The following HSPA4 variants were observed in gnomAD, a reference collection of about 807,000 sequenced individuals.
The protein encoded by HSPA4 is heat shock 70 kDa protein 4.
In HSPA4, 25 loss-of-function variants were observed where a neutral mutation model predicts 106.2. The observed-to-expected ratio is 0.24, with a 90% confidence interval of 0.17 to 0.33. The LOEUF is 0.33. Ranked by LOEUF, HSPA4 falls within the 10% of genes least tolerant of loss-of-function variation. The pLI is 1.00. For synonymous variants in HSPA4, 332 were observed against 333.6 expected (o/e 1.00, Z 0.05); for missense variants, 841 against 996.0 (o/e 0.84, Z 2.10).
intron 2 of HSPA4, among the ~76,000 whole-genome samples, chr5:133,065,812 A>G (rs907523933): frequency 2.0e-5 from 3 of 152,220 alleles, no homozygotes; most frequent in Non-Finnish European, 4.4e-5. Flanking sequence ...CTGAATAACC[A>G]GAGCAGCAGA....
At chr5:133,089,448 C>A in intron 10 of HSPA4, 114 bp from the exon 11 acceptor site, 1 of 909,614 alleles carries the variant, frequency 1.1e-6, no homozygotes, top group Non-Finnish European at 1.6e-6. Flanking sequence ...GGAAATAATA[C>A]CAATTGAAAA....
At chr5:133,084,192 T>C (rs138916819) in intron 7 of HSPA4, among the ~76,000 whole-genome samples, 1 of 152,344 alleles carries the variant, frequency 6.6e-6, no homozygotes, top group Non-Finnish European at 1.5e-5. Context: ...TGGAATCATG[T>C]ATTATGTAGT....
intron 7 of HSPA4, among the ~76,000 whole-genome samples, chr5:133,084,649 T>C (rs1481971598): frequency 6.6e-6 from 1 of 152,050 alleles, no homozygotes; most frequent in Non-Finnish European, 1.5e-5. Context: ...TTTGTATTTT[T>C]GGTAGAGACG....
intron 16 of HSPA4, among the ~76,000 whole-genome samples, chr5:133,101,209 A>G (rs965505686): frequency 6.6e-6 from 1 of 152,116 alleles, no homozygotes; most frequent in Non-Finnish European, 1.5e-5. Context: ...CATAGATTTT[A>G]TTGATGTCGC....
chr5:133,088,379 A>G (rs1215429681), intron 8 of HSPA4, 25 bp from the exon 9 acceptor site: 1 of 1,500,974 alleles, frequency 6.7e-7, no homozygotes, highest in Non-Finnish European at 9.2e-7. Context: ...TCATTAAAAA[A>G]ATCTGTCTAA....
chr5:133,062,262 G>C (rs1765254502), intron 1 of HSPA4, among the ~76,000 whole-genome samples: 1 of 152,204 alleles, frequency 6.6e-6, no homozygotes. Context: ...TAACCCTTCA[G>C]CAGGATTTGC....
In HSPA4 at chr5:133,052,303, C is replaced by T; in HGVS notation, c.53C>T (p.Ala18Val). Residue 18 changes from alanine (A) to valine (V), a missense_variant, in exon 1 of 19, where the codon GCC becomes GTC. Ala to Val is a moderately conservative substitution (Grantham distance 64, BLOSUM62 0). Coordinates refer to ENST00000304858, the MANE Select transcript of HSPA4 (RefSeq NM_002154.4). ...LGFQSCYVAV[A>V]RAGGIETIAN... ...TTCCAGAGCTGCTACGTCGCTGTGG[C>T]CCGCGCCGGCGGCATCGAGACTATC... 1.3e-6 allele frequency: 2 copies of T among 1,592,890 alleles called. No homozygotes were observed. Among genetic ancestry groups the T allele is most frequent in the Non-Finnish European group, 8.5e-7 (1 of 1,172,306 alleles).
intron 7 of HSPA4, among the ~76,000 whole-genome samples, chr5:133,082,640 A>AT (rs895294921): frequency 1.3e-5 from 2 of 151,750 alleles, no homozygotes; most frequent in Non-Finnish European, 2.9e-5. Flanking sequence ...CAATTTTTGT[A>AT]TTTTTTGTAG....
rs563679407 is a variant in HSPA4, at chr5:133,105,851, G to C, written c.*1415G>C. On this transcript the variant is annotated 3_prime_UTR_variant, in exon 19 of 19. Coordinates refer to ENST00000304858, the MANE Select transcript of HSPA4 (RefSeq NM_002154.4). Reference sequence around the variant, plus strand: ...GTTACAGGCTCTAAAGTGCAATGGAGAACAATTGCTTAGGAGGAGGAAGGG... The same window carrying C: ...GTTACAGGCTCTAAAGTGCAATGGACAACAATTGCTTAGGAGGAGGAAGGG... 1.4e-4 allele frequency: 21 copies of C among 152,102 alleles called. No individual in the cohort carries two copies. The highest frequency in any genetic ancestry group is 2.8e-4 in the Non-Finnish European group (19 of 68,030). The allele number at this position is 152,102 out of a possible 1,614,324, so 9.4% of individuals were successfully genotyped here. A position where few individuals can be genotyped will look rare whatever the true frequency, so the allele number is the denominator to read the frequency against.
At chr5:133,053,890 C>T (rs1235495805) in intron 1 of HSPA4, among the ~76,000 whole-genome samples, 1 of 151,360 alleles carries the variant, frequency 6.6e-6, no homozygotes, top group African/African-American at 2.4e-5. Flanking sequence ...GAACTCCTGA[C>T]CTCAAGTGAT....
intron 7 of HSPA4, among the ~76,000 whole-genome samples, chr5:133,081,257 A>G (rs986947312): frequency 7.9e-5 from 12 of 152,194 alleles, no homozygotes; most frequent in African/African-American, 2.9e-4. Context: ...CATGTTGGCC[A>G]TGCTGGTCTT....
chr5:133,078,881 G>A (rs1183942892), intron 7 of HSPA4, among the ~76,000 whole-genome samples: 4 of 151,698 alleles, frequency 2.6e-5, no homozygotes, highest in African/African-American at 7.3e-5. Flanking sequence ...CTACAGGCAC[G>A]TGCCACCACG....
At chr5:133,098,824 C>A (rs2126716364) in intron 15 of HSPA4, among the ~76,000 whole-genome samples, 1 of 151,972 alleles carries the variant, frequency 6.6e-6, no homozygotes, top group East Asian at 1.9e-4. Flanking sequence ...AGGCATGCTC[C>A]ACCATGCCTG....
intron 15 of HSPA4, 54 bp from the exon 16 acceptor site, chr5:133,099,491 T>A: frequency 1.1e-6 from 1 of 896,200 alleles, no homozygotes; most frequent in East Asian, 2.5e-5. Flanking sequence ...CCTCTGACTG[T>A]ATTGGGGATG....
chr5:133,103,542 C>G (rs1379246165), intron 17 of HSPA4, among the ~76,000 whole-genome samples: 2 of 152,140 alleles, frequency 1.3e-5, no homozygotes, highest in African/African-American at 4.8e-5. Context: ...AACTTCAGCT[C>G]TCATATCTAA....
In HSPA4 at chr5:133,105,467, A is replaced by G. The variant is rs1765845035; in HGVS notation, c.*1031A>G. 6.6e-6 allele frequency: 1 copy of G among 152,186 alleles called. No individual in the cohort carries two copies. The highest frequency in any genetic ancestry group is 2.1e-4 in the South Asian group (1 of 4,832). 9.4% of individuals were successfully genotyped at this position (152,186 alleles called of 1,614,324 possible). On this transcript the variant is annotated 3_prime_UTR_variant, in exon 19 of 19. Coordinates refer to ENST00000304858, the MANE Select transcript of HSPA4 (RefSeq NM_002154.4). ...CACTGGATTGTACTGGATGAGTCTG[A>G]AATTAGTGTTAAAGAAGTGTGGTGC... is the stretch of plus-strand genomic sequence containing the variant.
intron 17 of HSPA4, among the ~76,000 whole-genome samples, chr5:133,102,257 A>G (rs562798659): frequency 7.2e-5 from 11 of 152,188 alleles, no homozygotes; most frequent in African/African-American, 1.9e-4. Context: ...AGGCATTTAC[A>G]TAGCATTTTT....
At chr5:133,053,228 T>A (rs1040625657) in intron 1 of HSPA4, among the ~76,000 whole-genome samples, 4 of 152,166 alleles carry the variant, frequency 2.6e-5, no homozygotes, top group Non-Finnish European at 5.9e-5. Flanking sequence ...TTACAGTGTC[T>A]GCCTTTTGAA....
In HSPA4 at chr5:133,089,142, C is replaced by G. The variant is rs1765614286; in HGVS notation, c.1225C>G (p.Pro409Ala). The change falls in exon 10 of 19, where the codon CCA (proline) becomes GCA (alanine). Residue 409 changes from proline (P) to alanine (A), a missense_variant. Transcript: ENST00000304858. ...TCCAATATCTCTGAGATGGAATTCT[C>G]CAGCTGAAGAAGGGTCAAGGTATCA... The part of the protein sequence containing the change: ...PYPISLRWNS[P>A]AEEGSSDCEV... The G allele has an allele frequency of 6.3e-7, 1 of 1,587,772 alleles. No individual in the cohort carries two copies. The highest frequency in any genetic ancestry group is 1.7e-5 in the Admixed American group (1 of 57,398).
Sources: gnomAD v4.1 joint callset for allele counts (sites outside exome capture counted in the v4.1 genomes callset) on GRCh38, gnomAD v4.1.1 for gene constraint, MANE v1.5 for transcripts, NCBI Gene and HGNC (gene_info 2026-07-23, HGNC 2026-07-21) for gene names.